Variants in ATP9A observed in about 807,000 individuals in gnomAD.
ATP9A encodes the protein probable phospholipid-transporting ATPase IIA.
ATP9A carries 52 observed loss-of-function variants against 144.1 expected under a neutral mutation model. The observed-to-expected ratio is 0.36, with a 90% CI of 0.29 to 0.45. The LOEUF (loss-of-function observed/expected upper bound fraction) is 0.45. ATP9A is among the 20% of genes least tolerant of loss of function. ATP9A has a pLI of 1.00. For missense variants in ATP9A, 947 were observed against 1,392.7 expected (o/e 0.68, Z 5.09); for synonymous variants, 582 against 557.4 (o/e 1.04, Z -0.62).
Position 51,674,138 on chromosome 20 carries a change from T to C in ATP9A, c.1037+15A>G, listed in dbSNP as rs1165699011. On this transcript the variant is annotated intron_variant, in intron 11 of 27. Transcript: ENST00000338821. ...GATGTCACGGCAGCCAAACTCAAGC[T>C]CGTCGCCTGCTTACCTAATGGGGAT... is the stretch of plus-strand genomic sequence containing the variant. 9.9e-6 allele frequency: 16 copies of C among 1,612,444 alleles called. No homozygotes were observed. The highest frequency in any genetic ancestry group is 5.5e-5 in the South Asian group (5 of 90,988).
At position 51,716,940 on chromosome 20, in the gene ATP9A, G is replaced by C. The variant is rs933436244; in HGVS notation, c.328-3866C>G. ...TGTAATCCCAGTACTTCGGGAGGCC[G>C]AGGTGGGCGGATCACCTGAGGTCAG... is the stretch of plus-strand genomic sequence containing the variant. On this transcript the variant is annotated intron_variant, in intron 3 of 27. Coordinates refer to ENST00000338821, the MANE Select transcript of ATP9A (RefSeq NM_006045.3). 2.0e-5 allele frequency among the ~76,000 whole-genome samples: 3 copies of C among 152,222 alleles called. No individual in the cohort carries two copies. In the East Asian group the frequency reaches 5.8e-4, roughly 30 times the overall value.
intron 9 of ATP9A, among the ~76,000 whole-genome samples, chr20:51,685,763 T>C (rs1168991446): frequency 6.6e-6 from 1 of 152,156 alleles, no homozygotes; most frequent in African/African-American, 2.4e-5. Context: ...TTTACACTGT[T>C]GGTGGGACTG....
chr20:51,701,975 G>A (rs958507821), intron 4 of ATP9A, among the ~76,000 whole-genome samples: 6 of 151,314 alleles, frequency 4.0e-5, no homozygotes, highest in Non-Finnish European at 5.9e-5. Flanking sequence ...AGCCCGGGCC[G>A]CATGGCAAAA....
intron 25 of ATP9A, 29 bp from the exon 26 acceptor site, chr20:51,607,613 C>A (rs1448927006): frequency 2.5e-6 from 4 of 1,589,942 alleles, no homozygotes; most frequent in Non-Finnish European, 3.5e-6. Flanking sequence ...AAGGTTAGAG[C>A]CGGTTTCGCG....
At chr20:51,702,082 G>C (rs1197070393) in intron 4 of ATP9A, among the ~76,000 whole-genome samples, 1 of 151,912 alleles carries the variant, frequency 6.6e-6, no homozygotes. Flanking sequence ...GGTGGATCAT[G>C]AGGTCAGGCG....
intron 14 of ATP9A, among the ~76,000 whole-genome samples, chr20:51,650,124 C>T (rs911853507): frequency 1.2e-4 from 18 of 152,142 alleles, no homozygotes; most frequent in East Asian, 3.8e-4. Flanking sequence ...ACTCAGCCCT[C>T]GCTGAGGTCA....
In ATP9A at chr20:51,618,688, C is replaced by T. The variant is rs749813783; in HGVS notation, c.2324G>A (p.Arg775His). 3 of 1,612,996 alleles carry T rather than the reference C, an allele frequency of 1.9e-6. No individual in the cohort carries two copies. The highest frequency in any genetic ancestry group is 1.3e-5 in the African/African-American group (1 of 75,024). Residue 775 changes from arginine (R) to histidine (H), a missense_variant, in exon 21 of 28, where the codon CGC becomes CAC. Transcript: ENST00000338821. Reference protein sequence around the residue: ...KAQIVRLLQERTGKLTCAVGD... With the variant: ...KAQIVRLLQEHTGKLTCAVGD... ...TACTGCACAGGTGAGCTTGCCCGTG[C>T]GCTCCTGAAGCAGGCGCACGATCTG...
chr20:51,676,332 T>A, intron 9 of ATP9A, 124 bp from the exon 10 acceptor site: 1 of 671,646 alleles, frequency 1.5e-6, no homozygotes, highest in Non-Finnish European at 2.4e-6. Flanking sequence ...AGACAGAGTC[T>A]TGCTCTGTTG....
At chr20:51,618,626 G>A (rs573592677) in intron 21 of ATP9A, 36 bp downstream of exon 21, 1 of 1,589,244 alleles carries the variant, frequency 6.3e-7, no homozygotes, top group African/African-American at 1.3e-5. Flanking sequence ...TGCACCGGCA[G>A]GCCAGGGCCA....
intron 15 of ATP9A, among the ~76,000 whole-genome samples, chr20:51,635,806 A>AGGAAGGG (rs1555830939): frequency 2.0e-5 from 2 of 98,392 alleles, no homozygotes; most frequent in East Asian, 7.5e-4. Context: ...GGGGAGGAGG[A>AGGAAGGG]AGGAAGGAAG....
At chr20:51,692,628 C>T (rs780048698) in intron 7 of ATP9A, among the ~76,000 whole-genome samples, 5 of 152,084 alleles carry the variant, frequency 3.3e-5, no homozygotes, top group Admixed American at 6.5e-5. Context: ...ACGGTGAAAC[C>T]GTGTCTCTAC....
At chr20:51,715,855 G>C (rs1017830388) in intron 3 of ATP9A, among the ~76,000 whole-genome samples, 33 of 152,346 alleles carry the variant, frequency 2.2e-4, no homozygotes, top group African/African-American at 7.7e-4. Flanking sequence ...GGGGGCTGTT[G>C]AAGGAGGCAG....
At chr20:51,712,019 C>T (rs113359349) in intron 4 of ATP9A, among the ~76,000 whole-genome samples, 1,592 of 149,456 alleles carry the variant, frequency 0.011, 28 homozygotes, top group African/African-American at 0.038. Context: ...CCATGTCCAG[C>T]TAATTTTTGT....
chr20:51,675,948 G>A (rs1015676089), intron 10 of ATP9A, among the ~76,000 whole-genome samples, 184 bp downstream of exon 10: 2 of 150,476 alleles, frequency 1.3e-5, no homozygotes, highest in Non-Finnish European at 2.9e-5. Flanking sequence ...ACATATTTAC[G>A]TACTGTATTA....
chr20:51,645,442 C>T (rs1200565450), intron 14 of ATP9A, among the ~76,000 whole-genome samples: 1 of 152,136 alleles, frequency 6.6e-6, no homozygotes, highest in Non-Finnish European at 1.5e-5. Flanking sequence ...ATGGCGTGAA[C>T]CCGGGAGGTG....
At position 51,618,646 on chromosome 20, in the gene ATP9A, C is replaced by A. The variant is rs751462630; in HGVS notation, c.2350+16G>T. 1 of 1,606,238 alleles carries A rather than the reference C, an allele frequency of 6.2e-7. No homozygotes were observed. Among genetic ancestry groups the A allele is most frequent in the African/African-American group, 1.3e-5 (1 of 74,836 alleles). The stretch of plus-strand genomic sequence containing the variant: ...CGGCAGGCCAGGGCCAGCAGCACAG[C>A]CTGAGCCTCGCCTACCTACTGCACA... On this transcript the variant is annotated intron_variant, in intron 21 of 27. Transcript: ENST00000338821.
intron 1 of ATP9A, among the ~76,000 whole-genome samples, chr20:51,752,832 G>A (rs117047833): frequency 0.024 from 3,662 of 152,314 alleles, 63 homozygotes; most frequent in Non-Finnish European, 0.038. Context: ...GCCGGGTACA[G>A]TGTCTCATGC....
At position 51,671,303 on chromosome 20, in the gene ATP9A, G is replaced by C. The variant is rs188330749; in HGVS notation, c.1038-46C>G. Reference sequence around the variant, plus strand: ...AACAGGCTAACAGGACAGATGTAAGGCTCCTTGTATCTTTATAAAAACATG... The same window carrying C: ...AACAGGCTAACAGGACAGATGTAAGCCTCCTTGTATCTTTATAAAAACATG... On this transcript the variant is annotated intron_variant, in intron 11 of 27. Coordinates refer to ENST00000338821, the MANE Select transcript of ATP9A (RefSeq NM_006045.3). 70 of 1,592,050 alleles carry C rather than the reference G, an allele frequency of 4.4e-5. No individual in the cohort carries two copies. In the East Asian group the frequency reaches 1.3e-3, roughly 29 times the overall value.
At chr20:51,743,557 G>A (rs112889918) in intron 1 of ATP9A, among the ~76,000 whole-genome samples, 6 of 150,490 alleles carry the variant, frequency 4.0e-5, no homozygotes, top group South Asian at 4.2e-4. Flanking sequence ...GCACCACCAC[G>A]CCAGGCTAAT....
Sources: gnomAD v4.1 joint callset for allele counts (sites outside exome capture counted in the v4.1 genomes callset) on GRCh38, gnomAD v4.1.1 for gene constraint, MANE v1.5 for transcripts, NCBI Gene and HGNC (gene_info 2026-07-23, HGNC 2026-07-21) for gene names.